Variants in SHISA6 observed in about 807,000 individuals in gnomAD.
The protein encoded by SHISA6 is protein shisa-6.
SHISA6 carries 22 observed loss-of-function variants against 47.9 expected under a neutral mutation model. The observed-to-expected ratio is 0.46, with a 90% CI of 0.33 to 0.66. The LOEUF is 0.66. Ranked by LOEUF, SHISA6 falls within the 30% of genes least tolerant of loss-of-function variation. The pLI, the probability that SHISA6 is intolerant of heterozygous loss-of-function variation, is 0.02. For missense variants in SHISA6, 680 were observed against 764.6 expected, an observed-to-expected ratio of 0.89 and a Z score of 1.30; for synonymous variants, 388 against 337.8, an observed-to-expected ratio of 1.15 and a Z score of -1.63.
intron 1 of SHISA6, among the ~76,000 whole-genome samples, chr17:11,262,335 A>G (rs1908261121): frequency 6.6e-6 from 1 of 152,174 alleles, no homozygotes; most frequent in South Asian, 2.1e-4. Context: ...AGAAGATGGA[A>G]TAGTCTTTGC....
At chr17:11,453,995 A>T (rs1310461913) in intron 3 of SHISA6, among the ~76,000 whole-genome samples, 1 of 152,194 alleles carries the variant, frequency 6.6e-6, no homozygotes, top group African/African-American at 2.4e-5. Flanking sequence ...CTCTTGGGTA[A>T]ATATCTAGGA....
chr17:11,530,771 A>G (rs765261013), intron 3 of SHISA6, among the ~76,000 whole-genome samples: 12 of 152,220 alleles, frequency 7.9e-5, no homozygotes, highest in South Asian at 2.1e-4. Flanking sequence ...CTCATGAGGA[A>G]AAGAAGGCAC....
chr17:11,277,280 T>TCTCTCTCTCTCACACACA lies in SHISA6; in HGVS notation c.799+13755_799+13756insTCTCTCTCTCACACACAC, dbSNP rs1386997909. 8.0e-3 allele frequency among the ~76,000 whole-genome samples: 428 copies of TCTCTCTCTCTCACACACA among 53,692 alleles called. 4 individuals are homozygous for TCTCTCTCTCTCACACACA. The highest frequency in any genetic ancestry group is 0.015 in the East Asian group (17 of 1,108). The allele number at this position is 53,692 out of a possible 152,430, so 35.2% of individuals were successfully genotyped here. ...CTCTCTCTCTCTCTCTCTCTCTCTC[T>TCTCTCTCTCTCACACACA]CACACACACACACACACACACACAC... On this transcript the variant is annotated intron_variant, in intron 2 of 5. Transcript: ENST00000441885.
At chr17:11,372,950 A>G (rs914700920) in intron 2 of SHISA6, among the ~76,000 whole-genome samples, 28 of 151,982 alleles carry the variant, frequency 1.8e-4, no homozygotes, top group African/African-American at 5.1e-4. Flanking sequence ...TCATGACCAC[A>G]GTGTACTTTT....
intron 1 of SHISA6, among the ~76,000 whole-genome samples, chr17:11,260,151 C>G (rs1352055716): frequency 6.6e-6 from 1 of 152,120 alleles, no homozygotes; most frequent in African/African-American, 2.4e-5. Context: ...ATCACAATGA[C>G]TGTTTTCCCT....
At chr17:11,521,888 G>A (rs1466013896) in intron 3 of SHISA6, among the ~76,000 whole-genome samples, 2 of 152,056 alleles carry the variant, frequency 1.3e-5, no homozygotes, top group African/African-American at 4.8e-5. Context: ...GTAGTGAATA[G>A]GGAAAATTCT....
chr17:11,264,752 T>G (rs760758030), intron 2 of SHISA6, among the ~76,000 whole-genome samples: 2 of 152,196 alleles, frequency 1.3e-5, no homozygotes, highest in Non-Finnish European at 2.9e-5. Context: ...GAGACCAAAT[T>G]TATTTTCCAT....
At chr17:11,546,956 A>G (rs2071888716) in intron 3 of SHISA6, among the ~76,000 whole-genome samples, 1 of 152,202 alleles carries the variant, frequency 6.6e-6, no homozygotes, top group African/African-American at 2.4e-5. Flanking sequence ...CAAAGGACAG[A>G]AAGGGTTATT....
chr17:11,251,243 A>G (rs1907789902), intron 1 of SHISA6, among the ~76,000 whole-genome samples: 1 of 17,066 alleles, frequency 5.9e-5, no homozygotes, highest in African/African-American at 1.1e-4. Flanking sequence ...AAGATAAGTG[A>G]CCTACCTATG....
intron 3 of SHISA6, among the ~76,000 whole-genome samples, chr17:11,498,439 ACTAGTGTT>A (rs1333475502): frequency 6.6e-6 from 1 of 152,174 alleles, no homozygotes; most frequent in African/African-American, 2.4e-5. Context: ...AGGAATATGA[ACTAGTGTT>A]CAATAATACA....
At chr17:11,543,827 T>A (rs560827179) in intron 3 of SHISA6, among the ~76,000 whole-genome samples, 6 of 151,458 alleles carry the variant, frequency 4.0e-5, no homozygotes, top group African/African-American at 1.5e-4. Flanking sequence ...CAACTGATTT[T>A]TTGAAAAAGG....
intron 1 of SHISA6, among the ~76,000 whole-genome samples, chr17:11,247,841 G>A (rs140432674): frequency 1.3e-5 from 2 of 148,434 alleles, no homozygotes; most frequent in African/African-American, 2.5e-5. Context: ...GTGGCACAAT[G>A]TCTGCTCACT....
At chr17:11,512,944 G>T (rs1345402580) in intron 3 of SHISA6, among the ~76,000 whole-genome samples, 1 of 151,824 alleles carries the variant, frequency 6.6e-6, no homozygotes, top group Non-Finnish European at 1.5e-5. Context: ...CCACAATTTT[G>T]CAGTGAATTT....
At position 11,310,868 on chromosome 17, in the gene SHISA6, G is replaced by T. The variant is rs569584784; in HGVS notation, c.799+47342G>T. Among the ~76,000 whole-genome samples, 13 of 152,044 alleles carry T rather than the reference G, an allele frequency of 8.6e-5. 1 individual carries two copies. Among genetic ancestry groups the T allele is most frequent in the Admixed American group, 7.9e-4 (12 of 15,276 alleles). On this transcript the variant is annotated intron_variant, in intron 2 of 5. Coordinates refer to ENST00000441885, the MANE Select transcript of SHISA6 (RefSeq NM_207386.4). ...TCACGCCTGTAATCCCAGCACTTTG[G>T]GGGGCCTAGGTGGGCGCATCACAAG...
chr17:11,535,240 G>A (rs914780826), intron 3 of SHISA6, among the ~76,000 whole-genome samples: 2 of 152,200 alleles, frequency 1.3e-5, no homozygotes, highest in Admixed American at 6.5e-5. Flanking sequence ...ACGGCCAGGA[G>A]TCATCACCTG....
chr17:11,332,103 T>C (rs1351906467), intron 2 of SHISA6, among the ~76,000 whole-genome samples: 3 of 146,370 alleles, frequency 2.0e-5, no homozygotes, highest in Admixed American at 6.8e-5. Flanking sequence ...TGCACACTTA[T>C]AACCACAGGA....
At chr17:11,352,451 ATTAT>A (rs1428862266) in intron 2 of SHISA6, among the ~76,000 whole-genome samples, 2 of 152,198 alleles carry the variant, frequency 1.3e-5, no homozygotes, top group African/African-American at 4.8e-5. Flanking sequence ...AAGCAGAAAT[ATTAT>A]TTATTAGTGA....
At chr17:11,392,446 T>C (rs1913418291) in intron 3 of SHISA6, among the ~76,000 whole-genome samples, 1 of 152,174 alleles carries the variant, frequency 6.6e-6, no homozygotes, top group South Asian at 2.1e-4. Flanking sequence ...GTTCTTTCTC[T>C]CACAGAACTG....
intron 1 of SHISA6, among the ~76,000 whole-genome samples, chr17:11,242,686 T>C (rs894124536): frequency 3.3e-5 from 5 of 152,172 alleles, no homozygotes; most frequent in Admixed American, 6.5e-5. Context: ...ACTCGTTCTT[T>C]GAAACCCTGT....
Sources: allele counts gnomAD v4.1 joint callset (sites outside exome capture counted in the v4.1 genomes callset), GRCh38; gene constraint gnomAD v4.1.1; transcripts MANE v1.5; gene names NCBI Gene and HGNC (gene_info 2026-07-23, HGNC 2026-07-21).